Variants in SEMA4A observed in about 807,000 individuals in gnomAD.
SEMA4A encodes the protein semaphorin 4A.
Under a neutral mutation model 72.5 loss-of-function variants are expected in SEMA4A, and 52 were observed. The ratio of observed to expected loss-of-function variants is 0.72; its 90% CI spans 0.57 to 0.90. The LOEUF is 0.90. Ranked by LOEUF, SEMA4A falls within the 40% of genes least tolerant of loss-of-function variation. The probability of loss-of-function intolerance (pLI) is 0.00; values close to 1 mark genes in which losing one functional copy is unlikely to be tolerated. For synonymous variants in SEMA4A, 369 were observed against 393.1 expected, an observed-to-expected ratio of 0.94 and a Z score of 0.73; for missense variants, 926 against 959.7, an observed-to-expected ratio of 0.96 and a Z score of 0.46.
intron 9 of SEMA4A, chr1:156,161,783 T>C (rs977838633): frequency 6.2e-6 from 3 of 485,926 alleles, no homozygotes; most frequent in African/African-American, 4.0e-5. Flanking sequence ...AAGGCAAATA[T>C]TAAAATCGAT....
chr1:156,164,445 T>C (rs1477566983), intron 10 of SEMA4A, among the ~76,000 whole-genome samples: 1 of 152,204 alleles, frequency 6.6e-6, no homozygotes, highest in Admixed American at 6.5e-5. Context: ...AAGAACTGTT[T>C]TTGCCCATCT....
chr1:156,153,246 C>A (rs1652692148), upstream of SEMA4A: 1 of 152,062 alleles, frequency 6.6e-6, no homozygotes, highest in Non-Finnish European at 1.5e-5. Flanking sequence ...GCAGGGACTT[C>A]CCAGTAGGTA....
chr1:156,155,126 C>CT, intron 2 of SEMA4A: 1 of 247,118 alleles, frequency 4.0e-6, no homozygotes, highest in Non-Finnish European at 8.1e-6. Context: ...CGGAGCTCGC[C>CT]AGGCCCATGC....
rs972610044 is a variant in SEMA4A, at chr1:156,157,909, T to C, written c.301-161T>C. On this transcript the variant is annotated intron_variant, in intron 3 of 14. Transcript: ENST00000368285. This position sits in a 1 kb window ranked among gnomAD's most constrained non-coding sequence, Gnocchi z 4.5. ...TCTGATACCAGTATTATTCAAGTAA[T>C]AGCCATGGTCACAAACTGATGTTAT... Among the ~76,000 whole-genome samples, 2 of 152,206 alleles carry C rather than the reference T, an allele frequency of 1.3e-5. No homozygotes were observed. The highest frequency in any genetic ancestry group is 2.4e-5 in the African/African-American group (1 of 41,444).
At chr1:156,159,953 A>T (rs1653422039) in intron 6 of SEMA4A, among the ~76,000 whole-genome samples, 1 of 149,440 alleles carries the variant, frequency 6.7e-6, no homozygotes. Context: ...GAGAGAAACC[A>T]TGTATCAATG....
Position 156,177,099 on chromosome 1 carries a change from C to G in SEMA4A, c.*102C>G, listed in dbSNP as rs76347207. On this transcript the variant is annotated 3_prime_UTR_variant, in exon 15 of 15. Coordinates refer to ENST00000368285, the MANE Select transcript of SEMA4A (RefSeq NM_022367.4). ...GGATGACAGCAGCACAAAAGACCAC[C>G]TTTCTCCCCTGAGAGGAGCTTCTGC... 1,813 of 1,003,622 alleles carry G rather than the reference C, an allele frequency of 1.8e-3. 15 individuals are homozygous for G. The East Asian group carries it at 0.021, about 12-fold the overall frequency. The allele number at this position is 1,003,622 out of a possible 1,614,324, so 62.2% of individuals were successfully genotyped here. A position where few individuals can be genotyped will look rare whatever the true frequency, so the allele number is the denominator to read the frequency against.
At chr1:156,170,853 C>T (rs978721638) in intron 10 of SEMA4A, among the ~76,000 whole-genome samples, 1 of 150,244 alleles carries the variant, frequency 6.7e-6, no homozygotes, top group Non-Finnish European at 1.5e-5. Context: ...GCCAGGAGGT[C>T]AAGGCTGCAG....
intron 2 of SEMA4A, chr1:156,156,145 T>C: frequency 2.2e-6 from 1 of 453,856 alleles, no homozygotes; most frequent in Non-Finnish European, 4.2e-6. Context: ...GTCCCAGGCC[T>C]GGAAGAGCAT....
chr1:156,153,311 C>T (rs1025613486), upstream of SEMA4A: 1 of 152,080 alleles, frequency 6.6e-6, no homozygotes, highest in African/African-American at 2.4e-5. Context: ...TGTCATGTCC[C>T]CTATCTGGGA....
chr1:156,160,904 GA>G lies in SEMA4A; in HGVS notation c.686del (p.His229LeufsTer59), dbSNP rs1224218135. ...KTDNFLRWLH[H>X]DASFVAAIPS... ...TAAGCCCATCTGCCCCTCCCCCGCA[GA>G]TGACGCCTCCTTTGTGGCAGCCATC... On this transcript the variant is annotated frameshift_variant and splice_region_variant, in exon 8 of 15. Coordinates refer to ENST00000368285, the MANE Select transcript of SEMA4A (RefSeq NM_022367.4). LOFTEE classifies it high-confidence loss of function. 1 of 1,613,594 alleles carries G rather than the reference GA, an allele frequency of 6.2e-7. No individual in the cohort carries two copies. The highest frequency in any genetic ancestry group is 1.3e-5 in the African/African-American group (1 of 74,802).
chr1:156,161,015 G>C lies in SEMA4A; in HGVS notation c.796G>C (p.Ala266Pro). ...TGAGAGGCTCCACACATCGCGGGTG[G>C]CTAGAGTCTGCAAGGTCCGCGGCCT... is the stretch of plus-strand genomic sequence containing the variant. ...FFERLHTSRV[A>P]RVCKNDVGGE... Residue 266 changes from alanine to proline, a missense_variant, in exon 8 of 15, where the codon GCT becomes CCT. Transcript: ENST00000368285. 6.2e-7 allele frequency: 1 copy of C among 1,608,596 alleles called. No homozygotes were observed. The highest frequency in any genetic ancestry group is 8.5e-7 in the Non-Finnish European group (1 of 1,177,800).
intron 10 of SEMA4A, among the ~76,000 whole-genome samples, chr1:156,168,386 T>C (rs796088578): frequency 3.3e-5 from 5 of 151,700 alleles, no homozygotes; most frequent in African/African-American, 1.2e-4. Context: ...CACGCCCAGC[T>C]AATTTTTTTC....
rs1464570505 is a variant in SEMA4A, at chr1:156,157,873, A to G, written c.301-197A>G. Among the ~76,000 whole-genome samples the G allele has an allele frequency of 1.3e-5, 2 of 152,198 alleles. No homozygotes were observed. Among genetic ancestry groups the G allele is most frequent in the Non-Finnish European group, 2.9e-5 (2 of 68,030 alleles). On this transcript the variant is annotated intron_variant, in intron 3 of 14. Coordinates refer to ENST00000368285, the MANE Select transcript of SEMA4A (RefSeq NM_022367.4). This position sits in a 1 kb window ranked among gnomAD's most constrained non-coding sequence, Gnocchi z 4.5. The stretch of plus-strand genomic sequence containing the variant: ...CTGATTCCTTAGGCTGTGTTCAACT[A>G]TGGAGCTATGTCTGATACCAGTATT...
At chr1:156,164,012 C>A in intron 10 of SEMA4A, among the ~76,000 whole-genome samples, 1 of 135,094 alleles carries the variant, frequency 7.4e-6, no homozygotes. Context: ...CCTGGGTGAC[C>A]AGAGCAAGAT....
chr1:156,155,771 T>C (rs940981627), intron 2 of SEMA4A: 1 of 167,390 alleles, frequency 6.0e-6, no homozygotes, highest in Admixed American at 5.6e-5. Context: ...GATGTGCCAG[T>C]GGGACAGGAA....
Position 156,154,693 on chromosome 1 carries a change from A to G in SEMA4A, c.115A>G (p.Met39Val), listed in dbSNP as rs755494812. ...TTAGGGGQGP[M>V]PRVRYYAGDE... ...CGCGGGGGGAGGCGGGCAGGGGCCC[A>G]TGCCCAGGGTCAGATACTATGCAGG... is the stretch of plus-strand genomic sequence containing the variant. Residue 39 changes from methionine (M) to valine (V), a missense_variant, in exon 2 of 15, where the codon ATG becomes GTG. Physicochemically the swap from Met to Val is conservative, Grantham distance 21. Coordinates refer to ENST00000368285, the MANE Select transcript of SEMA4A (RefSeq NM_022367.4). 8.8e-6 allele frequency: 14 copies of G among 1,589,166 alleles called. No individual in the cohort carries two copies. The South Asian group carries it at 1.4e-4, about 16-fold the overall frequency.
chr1:156,152,234 T>G (rs1409827725), upstream of SEMA4A, among the ~76,000 whole-genome samples: 4 of 152,180 alleles, frequency 2.6e-5, no homozygotes, highest in Non-Finnish European at 1.5e-5. Flanking sequence ...CTAGAGGGGC[T>G]GGGGAAGAGG....
chr1:156,174,101 A>G (rs1392596521), intron 11 of SEMA4A, among the ~76,000 whole-genome samples: 1 of 151,544 alleles, frequency 6.6e-6, no homozygotes, highest in Non-Finnish European at 1.5e-5. Flanking sequence ...ACAAGAGTGA[A>G]AATCCGTCTC....
At chr1:156,170,789 CA>C (rs1334614603) in intron 10 of SEMA4A, among the ~76,000 whole-genome samples, 1 of 151,290 alleles carries the variant, frequency 6.6e-6, no homozygotes, top group Admixed American at 6.6e-5. Flanking sequence ...GGCACAGTGG[CA>C]CACACCTGTG....
Sources: allele counts gnomAD v4.1 joint callset (sites outside exome capture counted in the v4.1 genomes callset), GRCh38; gene constraint gnomAD v4.1.1; non-coding constraint Gnocchi (gnomAD v3.1); transcripts MANE v1.5; gene names NCBI Gene and HGNC (gene_info 2026-07-23, HGNC 2026-07-21).